SYCP3: variants seen among roughly 807,000 people sequenced by gnomAD.
The protein encoded by SYCP3 is synaptonemal complex protein 3.
SYCP3 carries 29 observed loss-of-function variants against 38.5 expected under a neutral mutation model. The ratio of observed to expected loss-of-function variants is 0.75; its 90% CI spans 0.56 to 1.03. The LOEUF (loss-of-function observed/expected upper bound fraction) is 1.03, where lower values mean the gene tolerates loss of function less well. SYCP3 is among the 50% of genes least tolerant of loss of function. SYCP3 has a pLI of 0.00. For synonymous variants in SYCP3, 79 were observed against 80.3 expected, an observed-to-expected ratio of 0.98 and a Z score of 0.08; for missense variants, 242 against 270.7, an observed-to-expected ratio of 0.89 and a Z score of 0.74.
At chr12:101,739,309 G>A (rs1952616190) in intron 1 of SYCP3, 42 bp downstream of exon 1, 6 of 1,002,600 alleles carry the variant, frequency 6.0e-6, no homozygotes, top group Admixed American at 1.2e-4. Context: ...GCAGCCTCTG[G>A]CCTGGACACC....
intron 1 of SYCP3, 175 bp downstream of exon 1, chr12:101,739,175 AG>A: frequency 4.4e-6 from 1 of 228,088 alleles, no homozygotes; most frequent in Non-Finnish European, 6.9e-6. Flanking sequence ...GCCCCAGCCC[AG>A]CCCGCCCGCT....
chr12:101,735,051 T>C lies in SYCP3; in HGVS notation c.236-7A>G. 2 of 1,556,390 alleles carry C rather than the reference T, an allele frequency of 1.3e-6. No individual in the cohort carries two copies. Among genetic ancestry groups the C allele is most frequent in the Non-Finnish European group, 1.8e-6 (2 of 1,129,270 alleles). ...AGAGCCTTGTTAATGTCAACTAGAT[T>C]GAAAATAAAAATTCATTAAAATTTA... On this transcript the variant is annotated splice_region_variant and splice_polypyrimidine_tract_variant and intron_variant, in intron 4 of 8. Coordinates refer to ENST00000392924, the MANE Select transcript of SYCP3 (RefSeq NM_001177949.2).
Position 101,737,850 on chromosome 12 carries a change from G to T in SYCP3, c.86C>A (p.Thr29Asn). The change falls in exon 2 of 9, where the codon ACT (threonine) becomes AAT (asparagine). Residue 29 changes from threonine to asparagine, a missense_variant. Transcript: ENST00000392924. ...DQFTRAYDFE[T>N]EDKKDLSGSE... ...TCCACTCAGATCTTTCTTATCTTCA[G>T]TCTCAAAGTCATAGGCTCTCGTAAA... The T allele has an allele frequency of 6.2e-7, 1 of 1,614,110 alleles. No homozygotes were observed. The highest frequency in any genetic ancestry group is 8.5e-7 in the Non-Finnish European group (1 of 1,180,030).
intron 2 of SYCP3, 51 bp downstream of exon 2, chr12:101,737,752 C>A: frequency 2.5e-6 from 4 of 1,613,154 alleles, no homozygotes; most frequent in Non-Finnish European, 3.4e-6. Flanking sequence ...TCAATGGGTT[C>A]AAAACAAATG....
chr12:101,730,715 C>G (rs1157703252), intron 7 of SYCP3: 1 of 222,880 alleles, frequency 4.5e-6, no homozygotes, highest in African/African-American at 2.4e-5. Flanking sequence ...GTTGCTCAGG[C>G]TGGTCTTGAA....
chr12:101,728,881 A>G lies in SYCP3; in HGVS notation c.*46T>C, dbSNP rs1025462474. 9.9e-6 allele frequency: 16 copies of G among 1,611,734 alleles called. No homozygotes were observed. Among genetic ancestry groups the G allele is most frequent in the Middle Eastern group, 1.7e-4 (1 of 6,022 alleles). On this transcript the variant is annotated 3_prime_UTR_variant, in exon 9 of 9. Coordinates refer to ENST00000392924, the MANE Select transcript of SYCP3 (RefSeq NM_001177949.2). ...CAATATGCTTCTTAGCTAACGTTAT[A>G]ATTGTATCATATTACTTAGGTTCAA...
chr12:101,737,057 T>C lies in SYCP3; in HGVS notation c.215A>G (p.Asn72Ser). The C allele has an allele frequency of 1.2e-6, 2 of 1,613,938 alleles. No individual in the cohort carries two copies. Among genetic ancestry groups the C allele is most frequent in the Non-Finnish European group, 1.7e-6 (2 of 1,179,912 alleles). Reference sequence around the variant, plus strand: ...CCTACCTCCAACTCCTTCCAGCATATTCTGCACTTCACCCCTGGAAAGAAA... The same window carrying C: ...CCTACCTCCAACTCCTTCCAGCATACTCTGCACTTCACCCCTGGAAAGAAA... ...VVEDMGGEVQ[N>S]MLEGVGVDIN... Residue 72 changes from asparagine (N) to serine (S), a missense_variant, in exon 4 of 9, where the codon AAT (asparagine) becomes AGT (serine). Transcript: ENST00000392924.
rs1952274682 is a variant in SYCP3, at chr12:101,733,633, A to G, written c.395T>C (p.Leu132Ser). The G allele has an allele frequency of 6.2e-7, 1 of 1,612,142 alleles. No homozygotes were observed. The highest frequency in any genetic ancestry group is 1.3e-5 in the African/African-American group (1 of 74,926). ...CATATCTAAATCCCACTGCTGAAACAAAGTCAGAAACTGCTGAGAATATTC... is the reference window on the plus strand; with the variant it reads ...CATATCTAAATCCCACTGCTGAAACGAAGTCAGAAACTGCTGAGAATATTC... Reference protein sequence around the residue: ...NQEYSQQFLTLFQQWDLDMQK... With the variant: ...NQEYSQQFLTSFQQWDLDMQK... The change falls in exon 6 of 9, where the codon TTG becomes TCG. Residue 132 changes from leucine to serine, a missense_variant. Physicochemically the swap from Leu to Ser is moderately radical, Grantham distance 145 (BLOSUM62 -2). Transcript: ENST00000392924.
Position 101,737,906 on chromosome 12 carries a change from C to A in SYCP3, c.30G>T (p.Arg10Ser). The change falls in exon 2 of 9, where the codon AGG becomes AGT. Residue 10 changes from arginine (R) to serine (S), a missense_variant. Transcript: ENST00000392924. MVSSGKKYS[R>S]KSGKPSVEDQ... ...CTTCCACAGACGGCTTCCCAGATTT[C>A]CTGGAATACTTTTTTCCGGAGGACA... The A allele has an allele frequency of 6.2e-7, 1 of 1,614,128 alleles. No individual in the cohort carries two copies.
chr12:101,733,862 A>T (rs922992257), intron 5 of SYCP3, among the ~76,000 whole-genome samples, 188 bp from the exon 6 acceptor site: 2 of 152,186 alleles, frequency 1.3e-5, no homozygotes, highest in Non-Finnish European at 2.9e-5. Flanking sequence ...TTTCTAACAA[A>T]CTAATAGAAG....
intron 1 of SYCP3, among the ~76,000 whole-genome samples, chr12:101,739,083 G>A (rs1952602005): frequency 6.6e-6 from 1 of 152,218 alleles, no homozygotes; most frequent in African/African-American, 2.4e-5. Context: ...GCAGGAGGGA[G>A]ACGCGCGGAG....
Position 101,733,450 on chromosome 12 carries a change from G to C in SYCP3, c.453+125C>G, listed in dbSNP as rs1267496570. The C allele has an allele frequency of 1.2e-5, 10 of 842,378 alleles. No individual in the cohort carries two copies. In the South Asian group the frequency reaches 1.4e-4, roughly 12 times the overall value. The allele number at this position is 842,378 out of a possible 1,614,324, so 52.2% of individuals were successfully genotyped here. On this transcript the variant is annotated intron_variant, in intron 6 of 8. Transcript: ENST00000392924. ...ACGTCTGTGGTTTACAGTTCAGTAG[G>C]TTTAAAACACATGGCCAGCAATGGT...
At chr12:101,732,699 C>G (rs2137057143) in intron 6 of SYCP3, 1 of 150,778 alleles carries the variant, frequency 6.6e-6, no homozygotes. Context: ...AAGGGTCTCC[C>G]TCTGTCACCC....
At chr12:101,731,102 T>C (rs1207468438) in intron 7 of SYCP3, among the ~76,000 whole-genome samples, 2 of 152,210 alleles carry the variant, frequency 1.3e-5, no homozygotes, top group Non-Finnish European at 2.9e-5. Context: ...TATAAATTCA[T>C]TTTTGGTCAC....
Position 101,733,675 on chromosome 12 carries a change from C to T in SYCP3, c.354-1G>A. On this transcript the variant is annotated splice_acceptor_variant, in intron 5 of 8. Coordinates refer to ENST00000392924, the MANE Select transcript of SYCP3 (RefSeq NM_001177949.2). LOFTEE classifies it high-confidence loss of function. ...AGAATATTCTTGGTTAAGCTTCTGC[C>T]TGTAAAACATAATGATGAATTATTG... The T allele has an allele frequency of 6.2e-7, 1 of 1,609,072 alleles. No homozygotes were observed.
At chr12:101,737,746 TG>T (rs1952512963) in intron 2 of SYCP3, 56 bp downstream of exon 2, 4 of 1,612,010 alleles carry the variant, frequency 2.5e-6, no homozygotes, top group Admixed American at 1.7e-5. Flanking sequence ...ATAGTCTCAA[TG>T]GGTTCAAAAC....
In SYCP3 at chr12:101,737,897, C is replaced by G; in HGVS notation, c.39G>C (p.Gly13=). 1 of 1,614,160 alleles carries G rather than the reference C, an allele frequency of 6.2e-7. No individual in the cohort carries two copies. Among genetic ancestry groups the G allele is most frequent in the Non-Finnish European group, 8.5e-7 (1 of 1,180,024 alleles). The change falls in exon 2 of 9, where the codon GGG becomes GGC. Residue 13 remains glycine (G), a synonymous_variant. Transcript: ENST00000392924. The stretch of plus-strand genomic sequence containing the variant: ...TAAACTGATCTTCCACAGACGGCTT[C>G]CCAGATTTCCTGGAATACTTTTTTC... ...SSGKKYSRKS[G]KPSVEDQFTR...
At chr12:101,734,519 C>A (rs866398657) in intron 5 of SYCP3, among the ~76,000 whole-genome samples, 1 of 152,144 alleles carries the variant, frequency 6.6e-6, no homozygotes, top group Non-Finnish European at 1.5e-5. Flanking sequence ...GGTTATAGGG[C>A]TACAGGACTA....
intron 6 of SYCP3, 39 bp downstream of exon 6, chr12:101,733,536 T>C: frequency 3.8e-6 from 6 of 1,571,584 alleles, no homozygotes; most frequent in Non-Finnish European, 5.2e-6. Flanking sequence ...CATTCCTACT[T>C]GAGACTTGGT....
Sources: allele counts gnomAD v4.1 joint callset (sites outside exome capture counted in the v4.1 genomes callset), GRCh38; gene constraint gnomAD v4.1.1; transcripts MANE v1.5; gene names NCBI Gene and HGNC (gene_info 2026-07-23, HGNC 2026-07-21).